The following PRSS23 variants were observed in gnomAD, a reference collection of about 807,000 sequenced individuals.
PRSS23 encodes the protein serine protease 23.
A neutral mutation model predicts 34.7 loss-of-function variants in PRSS23; 25 were observed. The observed-to-expected ratio is 0.72, with a 90% confidence interval of 0.53 to 1.01. The LOEUF is 1.01. Among genes scored for constraint, PRSS23 ranks in the 50% least tolerant of loss-of-function variants. The pLI is 0.00. For missense variants in PRSS23, 445 were observed against 475.6 expected, an observed-to-expected ratio of 0.94 and a Z score of 0.60; for synonymous variants, 176 against 186.6, an observed-to-expected ratio of 0.94 and a Z score of 0.46.
At chr11:86,899,563 G>A (rs1948897949) in intron 2 of PRSS23, among the ~76,000 whole-genome samples, 1 of 151,260 alleles carries the variant, frequency 6.6e-6, no homozygotes, top group Non-Finnish European at 1.5e-5. Flanking sequence ...CACCCAGGCT[G>A]GCGTGCAGTG....
intron 2 of PRSS23, among the ~76,000 whole-genome samples, chr11:86,877,234 A>ACT (rs10679934): frequency 0.57 from 86,112 of 151,888 alleles, 25,271 homozygotes; most frequent in African/African-American, 0.72. Flanking sequence ...AAGGGCAATG[A>ACT]CTGTTTTCTC....
intron 1 of PRSS23, among the ~76,000 whole-genome samples, chr11:86,803,830 C>G (rs987111648): frequency 1.3e-5 from 2 of 152,206 alleles, no homozygotes; most frequent in African/African-American, 4.8e-5. Flanking sequence ...AAATCATTCT[C>G]TCAAACAGTG....
Position 86,808,532 on chromosome 11 carries a change from G to A in PRSS23, c.889G>A (p.Val297Ile), listed in dbSNP as rs1311139478. The change falls in exon 2 of 2, where the codon GTC (valine) becomes ATC (isoleucine). Residue 297 changes from valine to isoleucine, a missense_variant. By Grantham distance (29) the Val-to-Ile change is conservative. Transcript: ENST00000280258. ...PGNLVYRFCD[V>I]KDETYDLLYQ... The stretch of plus-strand genomic sequence containing the variant: ...CAATTTGGTGTATCGCTTCTGTGAC[G>A]TCAAAGACGAGACCTATGACTTGCT... The A allele has an allele frequency of 4.3e-6, 7 of 1,614,078 alleles. No individual in the cohort carries two copies. The highest frequency in any genetic ancestry group is 1.3e-5 in the African/African-American group (1 of 74,922).
At chr11:86,864,506 T>C (rs1488430045) in intron 2 of PRSS23, among the ~76,000 whole-genome samples, 1 of 152,248 alleles carries the variant, frequency 6.6e-6, no homozygotes, top group Admixed American at 6.5e-5. Context: ...TCAGTCTCTC[T>C]GGAGCTGCCT....
intron 2 of PRSS23, among the ~76,000 whole-genome samples, chr11:86,834,774 C>T (rs1420666398): frequency 1.3e-5 from 2 of 152,060 alleles, no homozygotes; most frequent in Non-Finnish European, 2.9e-5. Context: ...GGTAAGCATA[C>T]ATAGAGTCTG....
At chr11:86,870,751 C>G (rs1948679519) in intron 2 of PRSS23, among the ~76,000 whole-genome samples, 1 of 152,064 alleles carries the variant, frequency 6.6e-6, no homozygotes, top group Non-Finnish European at 1.5e-5. Flanking sequence ...AAGTTTATTA[C>G]CCCTTTCTTC....
chr11:86,824,590 T>C (rs1175825287), intron 2 of PRSS23, among the ~76,000 whole-genome samples: 6 of 150,392 alleles, frequency 4.0e-5, no homozygotes, highest in African/African-American at 1.5e-4. Flanking sequence ...TAACTCATCA[T>C]TTAGCATTAG....
chr11:86,915,230 C>T (rs1949004159), intron 2 of PRSS23, among the ~76,000 whole-genome samples: 1 of 152,156 alleles, frequency 6.6e-6, no homozygotes, highest in Non-Finnish European at 1.5e-5. Context: ...GAAGAAAACT[C>T]TTACATCACA....
In PRSS23 at chr11:86,809,998, CG is replaced by C. The variant is rs1366993028; in HGVS notation, c.*1204del. The stretch of plus-strand genomic sequence containing the variant: ...TTTTTCCCTCTAGCTTTAAAAGGGC[CG>C]CTTTTGCTGGAATGCTCTAGGTTAT... On this transcript the variant is annotated 3_prime_UTR_variant, in exon 2 of 2. Transcript: ENST00000280258. The C allele has an allele frequency of 6.0e-6, 1 of 166,878 alleles. No homozygotes were observed. Among genetic ancestry groups the C allele is most frequent in the African/African-American group, 2.4e-5 (1 of 41,382 alleles). 10.3% of individuals were successfully genotyped at this position (166,878 alleles called of 1,614,324 possible).
At position 86,791,370 on chromosome 11, in the gene PRSS23, C is replaced by T. The variant is rs116580293; in HGVS notation, c.-14+175C>T. ...TCTTGTGGTTTCCCTAATCTGTGTG[C>T]GGAGGGCAGAAGGAGCCAGGTGATC... On this transcript the variant is annotated intron_variant, in intron 1 of 1. Coordinates refer to the PRSS23 transcript ENST00000527521. Among the ~76,000 whole-genome samples the T allele has an allele frequency of 6.0e-3, 909 of 152,198 alleles. 14 individuals are homozygous for T. Among genetic ancestry groups the T allele is most frequent in the African/African-American group, 0.021 (861 of 41,508 alleles).
At chr11:86,882,384 G>T (rs1320637581) in intron 2 of PRSS23, among the ~76,000 whole-genome samples, 3 of 152,084 alleles carry the variant, frequency 2.0e-5, no homozygotes, top group Non-Finnish European at 4.4e-5. Context: ...ACAGGCCCCA[G>T]TGTGTGTTGT....
chr11:86,885,680 G>A (rs748921931), intron 2 of PRSS23, among the ~76,000 whole-genome samples: 6 of 152,096 alleles, frequency 3.9e-5, no homozygotes, highest in Non-Finnish European at 7.4e-5. Flanking sequence ...GATCTATCCC[G>A]CAGATTTTTG....
At chr11:86,850,183 C>G (rs111815653) in intron 2 of PRSS23, among the ~76,000 whole-genome samples, 2 of 152,114 alleles carry the variant, frequency 1.3e-5, no homozygotes. Context: ...CCTCCAGGAT[C>G]GAGGCCATCA....
At chr11:86,827,184 C>A (rs575725275) in intron 2 of PRSS23, among the ~76,000 whole-genome samples, 2 of 152,298 alleles carry the variant, frequency 1.3e-5, no homozygotes, top group East Asian at 3.9e-4. Flanking sequence ...TGTTATTGGT[C>A]TATACAGAGA....
Position 86,907,374 on chromosome 11 carries a change from G to A in PRSS23, c.207-43842G>A, listed in dbSNP as rs539858436. ...TTTCAATCAAAATGTTAGCAGTGGT[G>A]TTAGGGAAATTGTCATTTTAAAAAT... is the stretch of plus-strand genomic sequence containing the variant. On this transcript the variant is annotated intron_variant, in intron 2 of 2. Coordinates refer to the PRSS23 transcript ENST00000533902. Among the ~76,000 whole-genome samples, 3 of 152,242 alleles carry A rather than the reference G, an allele frequency of 2.0e-5. No homozygotes were observed. The South Asian group carries it at 6.2e-4, about 32-fold the overall frequency.
At chr11:86,945,122 T>C (rs1949231824) in intron 2 of PRSS23, among the ~76,000 whole-genome samples, 1 of 151,682 alleles carries the variant, frequency 6.6e-6, no homozygotes, top group South Asian at 2.1e-4. Flanking sequence ...ATCCAATTTA[T>C]AAAATTAGCT....
chr11:86,835,850 G>A (rs979151267), intron 2 of PRSS23, among the ~76,000 whole-genome samples: 12 of 152,234 alleles, frequency 7.9e-5, no homozygotes, highest in South Asian at 2.1e-4. Flanking sequence ...GTTTCTGAAC[G>A]GGCAGCTAAA....
downstream of PRSS23, among the ~76,000 whole-genome samples, chr11:86,812,264 C>T (rs953743632): frequency 6.6e-5 from 10 of 152,192 alleles, no homozygotes; most frequent in Admixed American, 5.9e-4. Flanking sequence ...CAGCTCCCTG[C>T]GTTTCTCCTC....
chr11:86,794,689 A>G (rs1182475989), intron 1 of PRSS23, among the ~76,000 whole-genome samples: 2 of 152,230 alleles, frequency 1.3e-5, no homozygotes, highest in Non-Finnish European at 2.9e-5. Context: ...AAATTTTTAG[A>G]AAGTTTTGAA....
Sources: gnomAD v4.1 joint callset for allele counts (sites outside exome capture counted in the v4.1 genomes callset) on GRCh38, gnomAD v4.1.1 for gene constraint, MANE v1.5 for transcripts, NCBI Gene and HGNC (gene_info 2026-07-23, HGNC 2026-07-21) for gene names.